Variants in EYS observed in about 807,000 individuals in gnomAD.
EYS encodes protein eyes shut homolog.
In EYS, 250 loss-of-function variants were observed where a neutral mutation model predicts 282.1. The observed-to-expected ratio is 0.89, with a 90% confidence interval of 0.80 to 0.98. EYS has a LOEUF of 0.98. Among genes scored for constraint, EYS ranks in the 50% least tolerant of loss-of-function variants. The probability of loss-of-function intolerance (pLI) is 0.00; values close to 1 mark genes in which losing one functional copy is unlikely to be tolerated. For missense variants in EYS, 4,016 were observed against 3,709.0 expected, an observed-to-expected ratio of 1.08 and a Z score of -2.15; for synonymous variants, 1,355 against 1,282.9, an observed-to-expected ratio of 1.06 and a Z score of -1.20.
At chr6:64,799,915 GTCTT>G (rs1774485724) in intron 22 of EYS, among the ~76,000 whole-genome samples, 1 of 151,756 alleles carries the variant, frequency 6.6e-6, no homozygotes, top group African/African-American at 2.4e-5. Flanking sequence ...TTCTCTGACT[GTCTT>G]TCTTTGTCTC....
chr6:64,367,907 G>C (rs938961559), intron 29 of EYS, among the ~76,000 whole-genome samples: 1 of 152,050 alleles, frequency 6.6e-6, no homozygotes, highest in African/African-American at 2.4e-5. Flanking sequence ...TGGAATATTT[G>C]AGCCTAGACA....
chr6:64,318,034 G>T (rs990425671), intron 29 of EYS, among the ~76,000 whole-genome samples: 8 of 152,128 alleles, frequency 5.3e-5, no homozygotes, highest in Middle Eastern at 3.4e-3. Context: ...GTCAGGGGGT[G>T]GGGGCCTCGG....
At chr6:65,010,151 A>T (rs1771820624) in intron 13 of EYS, among the ~76,000 whole-genome samples, 1 of 152,224 alleles carries the variant, frequency 6.6e-6, no homozygotes, top group African/African-American at 2.4e-5. Flanking sequence ...TAGCTCTAGG[A>T]GTCCTTACAC....
intron 22 of EYS, among the ~76,000 whole-genome samples, chr6:64,651,673 C>T (rs1768566274): frequency 6.6e-6 from 1 of 151,920 alleles, no homozygotes; most frequent in African/African-American, 2.4e-5. Context: ...CAGAGCGAGA[C>T]TCCGTCTCAA....
intron 31 of EYS, among the ~76,000 whole-genome samples, chr6:64,223,511 A>G (rs1766163639): frequency 6.6e-6 from 1 of 151,980 alleles, no homozygotes; most frequent in Non-Finnish European, 1.5e-5. Flanking sequence ...ATACCCCTGA[A>G]AAACTCTGGG....
At chr6:64,260,287 G>A (rs969299277) in intron 30 of EYS, among the ~76,000 whole-genome samples, 3 of 152,070 alleles carry the variant, frequency 2.0e-5, no homozygotes, top group African/African-American at 7.2e-5. Flanking sequence ...TGCCATACTA[G>A]TCAGGACTGC....
chr6:65,118,299 G>C lies in EYS; in HGVS notation c.2024-60572C>G, dbSNP rs540013147. 9.5e-4 allele frequency among the ~76,000 whole-genome samples: 144 copies of C among 152,308 alleles called. 1 individual carries two copies. Among genetic ancestry groups the C allele is most frequent in the African/African-American group, 3.3e-3 (136 of 41,562 alleles). ...TTGTGACAGATGCTGGTAGTCACAT[G>C]ATGAGGGCCTAGTTAGGCTTCATTT... On this transcript the variant is annotated intron_variant, in intron 12 of 42. Coordinates refer to ENST00000503581, the MANE Select transcript of EYS (RefSeq NM_001142800.2).
intron 12 of EYS, among the ~76,000 whole-genome samples, chr6:65,293,320 T>C (rs1582108879): frequency 6.6e-6 from 1 of 151,454 alleles, no homozygotes; most frequent in Admixed American, 6.6e-5. Flanking sequence ...TAAATAACAC[T>C]GGAATTGCAA....
intron 15 of EYS, among the ~76,000 whole-genome samples, chr6:64,929,594 A>G (rs1768641625): frequency 6.6e-6 from 1 of 152,152 alleles, no homozygotes; most frequent in African/African-American, 2.4e-5. Context: ...TTGACCAATA[A>G]TTGGTGGTAG....
intron 22 of EYS, among the ~76,000 whole-genome samples, chr6:64,651,676 C>T (rs546544239): frequency 7.3e-5 from 11 of 151,368 alleles, no homozygotes; most frequent in South Asian, 4.2e-4. Flanking sequence ...AGCGAGACTC[C>T]GTCTCAAAAA....
chr6:64,314,194 C>G (rs143472468), intron 29 of EYS, among the ~76,000 whole-genome samples: 1 of 27,676 alleles, frequency 3.6e-5, no homozygotes, highest in Admixed American at 6.5e-4. Context: ...AAATGGAAAG[C>G]AAAAAAAAAA....
At chr6:64,184,859 C>T (rs1457111065) in intron 31 of EYS, among the ~76,000 whole-genome samples, 1 of 151,868 alleles carries the variant, frequency 6.6e-6, no homozygotes, top group Non-Finnish European at 1.5e-5. Flanking sequence ...ATGTTCAATG[C>T]TATTTGTTTA....
At chr6:65,658,690 A>T (rs1436417683) in intron 1 of EYS, among the ~76,000 whole-genome samples, 2 of 151,640 alleles carry the variant, frequency 1.3e-5, no homozygotes, top group Non-Finnish European at 3.0e-5. Flanking sequence ...GGAAAGTTAA[A>T]TTTTAAATTA....
chr6:64,057,235 G>C (rs933203126), intron 33 of EYS, among the ~76,000 whole-genome samples: 1 of 152,062 alleles, frequency 6.6e-6, no homozygotes, highest in South Asian at 2.1e-4. Flanking sequence ...GAATAGTGTT[G>C]GGTGGAAAAG....
At chr6:65,320,691 A>G (rs1225499250) in intron 11 of EYS, among the ~76,000 whole-genome samples, 1 of 152,222 alleles carries the variant, frequency 6.6e-6, no homozygotes, top group African/African-American at 2.4e-5. Context: ...TTCTGCCAGT[A>G]GATAGCCTCT....
At chr6:63,885,309 A>G (rs1206970681) in intron 35 of EYS, among the ~76,000 whole-genome samples, 1 of 152,138 alleles carries the variant, frequency 6.6e-6, no homozygotes, top group Non-Finnish European at 1.5e-5. Flanking sequence ...GTATCTGCTC[A>G]TTGTCCCATA....
Position 64,902,424 on chromosome 6 carries a change from T to C in EYS, c.2718A>G (p.Glu906=), listed in dbSNP as rs1432938356. 1 of 1,536,874 alleles carries C rather than the reference T, an allele frequency of 6.5e-7. No individual in the cohort carries two copies. Among genetic ancestry groups the C allele is most frequent in the Non-Finnish European group, 8.7e-7 (1 of 1,143,068 alleles). ...FLSCQDYGDC[E]DMVNNFRCIC... ...TGTACCTGAAATTGTTGACCATATC[T>C]TCACAGTCACCATAATCCTGGCAGG... Residue 906 remains glutamate, a synonymous_variant, in exon 17 of 43, where the codon GAA becomes GAG. Transcript: ENST00000503581.
At chr6:65,377,055 A>C (rs1157274879) in intron 8 of EYS, among the ~76,000 whole-genome samples, 3 of 152,160 alleles carry the variant, frequency 2.0e-5, no homozygotes, top group Non-Finnish European at 2.9e-5. Flanking sequence ...GTCCACATCA[A>C]ATCAACAGAA....
intron 31 of EYS, among the ~76,000 whole-genome samples, chr6:64,180,471 T>C (rs1335311721): frequency 1.3e-5 from 2 of 152,166 alleles, no homozygotes; most frequent in African/African-American, 4.8e-5. Flanking sequence ...GCAGGTTTGT[T>C]ACATGGGTAA....
Sources: allele counts gnomAD v4.1 joint callset (sites outside exome capture counted in the v4.1 genomes callset), GRCh38; gene constraint gnomAD v4.1.1; transcripts MANE v1.5; gene names NCBI Gene and HGNC (gene_info 2026-07-23, HGNC 2026-07-21).